TENM2: variants seen among roughly 807,000 people sequenced by gnomAD.
TENM2 encodes teneurin transmembrane protein 2.
In TENM2, 52 loss-of-function variants were observed where a neutral mutation model predicts 245.2. That is an observed-to-expected ratio of 0.21 (90% confidence interval 0.17 to 0.27). The LOEUF (loss-of-function observed/expected upper bound fraction) is 0.27. Ranked by LOEUF, TENM2 falls within the 10% of genes least tolerant of loss-of-function variation. The pLI is 1.00. For missense variants in TENM2, 3,046 were observed against 3,666.8 expected (o/e 0.83, Z 4.37); for synonymous variants, 1,363 against 1,438.9 (o/e 0.95, Z 1.19).
At chr5:167,296,077 G>A (rs994850511) in intron 1 of TENM2, among the ~76,000 whole-genome samples, 1 of 152,128 alleles carries the variant, frequency 6.6e-6, no homozygotes, top group Non-Finnish European at 1.5e-5. Flanking sequence ...TTTCAAGAAT[G>A]AGGGGGGAAA....
At chr5:167,791,859 T>C (rs888050452) in intron 2 of TENM2, among the ~76,000 whole-genome samples, 2 of 152,092 alleles carry the variant, frequency 1.3e-5, no homozygotes, top group Non-Finnish European at 2.9e-5. Context: ...CTCAGAGTCA[T>C]GTGGAGTGCA....
At chr5:167,676,609 A>T (rs1156252014) in intron 2 of TENM2, among the ~76,000 whole-genome samples, 1 of 152,140 alleles carries the variant, frequency 6.6e-6, no homozygotes, top group Non-Finnish European at 1.5e-5. Context: ...AAGGGGTTTC[A>T]TTCACAGAAA....
chr5:168,253,503 G>A (rs1362506929), intron 27 of TENM2, among the ~76,000 whole-genome samples: 2 of 147,410 alleles, frequency 1.4e-5, no homozygotes, highest in African/African-American at 5.0e-5. Flanking sequence ...TTGGCTCACT[G>A]CAAGCTCCGC....
chr5:167,530,589 C>T (rs1203421728), intron 2 of TENM2, among the ~76,000 whole-genome samples: 2 of 152,196 alleles, frequency 1.3e-5, no homozygotes, highest in African/African-American at 2.4e-5. Flanking sequence ...CGATCCCCTG[C>T]TGTCAAAATG....
At chr5:167,429,368 A>G (rs1216816887) in intron 2 of TENM2, among the ~76,000 whole-genome samples, 2 of 152,168 alleles carry the variant, frequency 1.3e-5, no homozygotes, top group African/African-American at 4.8e-5. Context: ...TAATCCATCC[A>G]AAATTACTTA....
the TENM2 span, among the ~76,000 whole-genome samples, chr5:167,271,744 C>A: frequency 3.9e-5 from 6 of 152,086 alleles, no homozygotes; most frequent in African/African-American, 1.4e-4. Context: ...TTCTAAAAGG[C>A]AGGAACATGT....
At chr5:168,163,300 C>T (rs1388228293) in intron 13 of TENM2, among the ~76,000 whole-genome samples, 1 of 152,188 alleles carries the variant, frequency 6.6e-6, no homozygotes, top group African/African-American at 2.4e-5. Context: ...CAGTAGTTGG[C>T]AAACTATGGT....
chr5:168,090,263 C>T (rs1308699266), intron 7 of TENM2, among the ~76,000 whole-genome samples: 1 of 144,326 alleles, frequency 6.9e-6, no homozygotes, highest in African/African-American at 2.6e-5. Flanking sequence ...CACACACACA[C>T]GATGCACACA....
At chr5:167,915,683 G>A (rs1465919717) in intron 3 of TENM2, among the ~76,000 whole-genome samples, 1 of 152,108 alleles carries the variant, frequency 6.6e-6, no homozygotes, top group Non-Finnish European at 1.5e-5. Flanking sequence ...TAAACCAAAA[G>A]AACAGAACAC....
intron 2 of TENM2, among the ~76,000 whole-genome samples, chr5:167,599,223 G>C (rs968746312): frequency 6.6e-6 from 1 of 152,200 alleles, no homozygotes; most frequent in Admixed American, 6.5e-5. Flanking sequence ...GGCTGAGTGT[G>C]TGTTGTCTTA....
intron 19 of TENM2, among the ~76,000 whole-genome samples, chr5:168,208,843 TATGAA>T: frequency 6.6e-6 from 1 of 152,160 alleles, no homozygotes; most frequent in South Asian, 2.1e-4. Context: ...AAATTATAAA[TATGAA>T]ATGAGAAATG....
chr5:167,185,547 C>T, the TENM2 span, among the ~76,000 whole-genome samples: 1 of 151,858 alleles, frequency 6.6e-6, no homozygotes, highest in African/African-American at 2.4e-5. Context: ...GAGAATATAA[C>T]ATATTCTCAA....
At chr5:167,432,399 T>C (rs918704380) in intron 2 of TENM2, among the ~76,000 whole-genome samples, 1 of 151,796 alleles carries the variant, frequency 6.6e-6, no homozygotes, top group Non-Finnish European at 1.5e-5. Context: ...CACTGCATTC[T>C]TTTCTTCTGC....
chr5:167,591,366 T>C (rs1775864798), intron 2 of TENM2, among the ~76,000 whole-genome samples: 1 of 152,188 alleles, frequency 6.6e-6, no homozygotes, highest in South Asian at 2.1e-4. Context: ...TATTATTTGG[T>C]TTGATGGTTT....
chr5:167,859,198 C>T (rs1179643152), intron 2 of TENM2, among the ~76,000 whole-genome samples: 61 of 72,822 alleles, frequency 8.4e-4, no homozygotes, highest in African/African-American at 3.5e-3. Context: ...TCTGCCCGGC[C>T]GCCCCGTCTG....
chr5:167,799,240 T>C (rs1765531254), intron 2 of TENM2, among the ~76,000 whole-genome samples: 1 of 152,032 alleles, frequency 6.6e-6, no homozygotes, highest in African/African-American at 2.4e-5. Context: ...GGGGAGGGGG[T>C]GTACTTGAGA....
chr5:167,249,128 T>C, the TENM2 span, among the ~76,000 whole-genome samples: 1 of 152,204 alleles, frequency 6.6e-6, no homozygotes, highest in East Asian at 1.9e-4. Context: ...ATGCAATATA[T>C]ACTGGATAGA....
chr5:167,810,722 C>A (rs1255481603), intron 2 of TENM2, among the ~76,000 whole-genome samples: 2 of 152,058 alleles, frequency 1.3e-5, no homozygotes, highest in Non-Finnish European at 1.5e-5. Context: ...CCAAGTGCAA[C>A]AATTGGCCCC....
chr5:168,141,771 T>G (rs1376179164), intron 12 of TENM2, among the ~76,000 whole-genome samples: 1 of 152,242 alleles, frequency 6.6e-6, no homozygotes, highest in Non-Finnish European at 1.5e-5. Flanking sequence ...CAACTTGTGC[T>G]TTCCACTTGG....
Sources: gnomAD v4.1 joint callset for allele counts (sites outside exome capture counted in the v4.1 genomes callset) on GRCh38, gnomAD v4.1.1 for gene constraint, MANE v1.5 for transcripts, NCBI Gene and HGNC (gene_info 2026-07-23, HGNC 2026-07-21) for gene names.